The following ACOXL variants were observed in gnomAD, a reference collection of about 807,000 sequenced individuals.
The protein encoded by ACOXL is acyl-CoA oxidase like, also known as acyl-coenzyme A oxidase-like protein.
Under a neutral mutation model 71.9 loss-of-function variants are expected in ACOXL, and 70 were observed. That is an observed-to-expected ratio of 0.97 (90% CI 0.80 to 1.19). ACOXL has a LOEUF of 1.19. ACOXL is among the 50% of genes most tolerant of loss of function. ACOXL has a pLI of 0.00. For missense variants in ACOXL, 703 were observed against 736.3 expected, an observed-to-expected ratio of 0.95 and a Z score of 0.52; for synonymous variants, 253 against 281.6, an observed-to-expected ratio of 0.90 and a Z score of 1.02.
At chr2:110,778,308 A>G (rs1372408007) in intron 2 of ACOXL, among the ~76,000 whole-genome samples, 1 of 152,248 alleles carries the variant, frequency 6.6e-6, no homozygotes, top group African/African-American at 2.4e-5. Flanking sequence ...CATTATCAAA[A>G]ATGATGCATG....
intron 12 of ACOXL, among the ~76,000 whole-genome samples, chr2:110,981,526 A>T (rs1466888474): frequency 6.6e-6 from 1 of 152,258 alleles, no homozygotes; most frequent in African/African-American, 2.4e-5. Flanking sequence ...TTCCATCTAA[A>T]GAGTTTGGAA....
chr2:111,087,428 G>T (rs1226785320), intron 16 of ACOXL, among the ~76,000 whole-genome samples: 2 of 152,134 alleles, frequency 1.3e-5, no homozygotes, highest in Non-Finnish European at 2.9e-5. Context: ...AACCAAAATA[G>T]CATAGTACTG....
At chr2:111,041,157 G>A (rs138365992) in intron 15 of ACOXL, among the ~76,000 whole-genome samples, 8 of 152,268 alleles carry the variant, frequency 5.3e-5, no homozygotes, top group Admixed American at 3.9e-4. Context: ...CAGCTTGGAC[G>A]TGTGGCGCAT....
intron 14 of ACOXL, among the ~76,000 whole-genome samples, chr2:111,023,590 T>C (rs534178154): frequency 6.5e-4 from 99 of 151,758 alleles, no homozygotes; most frequent in African/African-American, 2.4e-3. Context: ...CCATGGGAAA[T>C]AGTGAGATGC....
chr2:110,912,158 A>G (rs1391115724), intron 11 of ACOXL, among the ~76,000 whole-genome samples: 1 of 152,128 alleles, frequency 6.6e-6, no homozygotes. Context: ...TTCATGGATC[A>G]GAAGATGTAA....
At chr2:111,087,897 A>G (rs2068299499) in intron 16 of ACOXL, among the ~76,000 whole-genome samples, 1 of 152,236 alleles carries the variant, frequency 6.6e-6, no homozygotes. Context: ...CAAACTATAC[A>G]TCTGACAAAG....
intron 12 of ACOXL, among the ~76,000 whole-genome samples, chr2:110,974,684 GTGTCC>G: frequency 6.6e-6 from 1 of 152,350 alleles, no homozygotes; most frequent in South Asian, 2.1e-4. Flanking sequence ...CCAGGAAGGG[GTGTCC>G]TCTTCCTGAC....
At chr2:111,061,159 C>A (rs776812842) in intron 16 of ACOXL, among the ~76,000 whole-genome samples, 1 of 152,116 alleles carries the variant, frequency 6.6e-6, no homozygotes, top group Non-Finnish European at 1.5e-5. Context: ...CATAAACCTA[C>A]GGATTCAAGA....
intron 16 of ACOXL, among the ~76,000 whole-genome samples, chr2:111,088,478 G>T (rs1379052597): frequency 6.6e-6 from 1 of 152,180 alleles, no homozygotes; most frequent in Non-Finnish European, 1.5e-5. Context: ...AATGTCGTTT[G>T]CAGGAACATG....
intron 10 of ACOXL, among the ~76,000 whole-genome samples, chr2:110,871,908 T>C (rs1284722915): frequency 1.3e-5 from 2 of 152,236 alleles, no homozygotes; most frequent in Non-Finnish European, 2.9e-5. Context: ...GCCTCCTGTT[T>C]GTTTCACATG....
chr2:110,752,760 C>G (rs768295063), intron 1 of ACOXL, among the ~76,000 whole-genome samples: 2 of 152,000 alleles, frequency 1.3e-5, no homozygotes, highest in Non-Finnish European at 2.9e-5. Context: ...TGTGTATTAG[C>G]TATCTACTGA....
In ACOXL at chr2:111,005,682, T is replaced by C. The variant is rs557146533; in HGVS notation, c.1281+9678T>C. Reference sequence around the variant, plus strand: ...CTGCTTGGGGTTTGGAGTCTCACCTTAGTTCTCTTCTGTGGAAAATGCAAG... The same window carrying C: ...CTGCTTGGGGTTTGGAGTCTCACCTCAGTTCTCTTCTGTGGAAAATGCAAG... On this transcript the variant is annotated intron_variant, in intron 14 of 17. Transcript: ENST00000439055. Among the ~76,000 whole-genome samples, 4 of 152,336 alleles carry C rather than the reference T, an allele frequency of 2.6e-5. No homozygotes were observed. In the South Asian group the frequency reaches 8.3e-4, roughly 32 times the overall value.
intron 7 of ACOXL, among the ~76,000 whole-genome samples, chr2:110,800,485 A>G (rs1179619613): frequency 6.6e-6 from 1 of 152,154 alleles, no homozygotes; most frequent in African/African-American, 2.4e-5. Context: ...ATACACAGGT[A>G]TAAGGATTAG....
intron 2 of ACOXL, among the ~76,000 whole-genome samples, chr2:110,783,936 G>A (rs1267348431): frequency 8.5e-5 from 13 of 152,190 alleles, no homozygotes; most frequent in Non-Finnish European, 2.9e-5. Flanking sequence ...TTTGTCACTG[G>A]TGGAGAAGAG....
chr2:110,947,763 C>T (rs1047781447), intron 12 of ACOXL, among the ~76,000 whole-genome samples: 1 of 152,194 alleles, frequency 6.6e-6, no homozygotes, highest in South Asian at 2.1e-4. Context: ...GACCAGAACA[C>T]ACCACAGGGT....
chr2:110,800,274 G>A (rs1166511072), intron 7 of ACOXL, among the ~76,000 whole-genome samples: 1 of 152,204 alleles, frequency 6.6e-6, no homozygotes, highest in Non-Finnish European at 1.5e-5. Context: ...CAGACACAGT[G>A]AGGGAAGGAT....
intron 14 of ACOXL, among the ~76,000 whole-genome samples, chr2:111,031,220 C>T (rs1239157561): frequency 6.6e-6 from 1 of 152,174 alleles, no homozygotes; most frequent in Non-Finnish European, 1.5e-5. Context: ...AATGGAAGCT[C>T]CTGACTGCAA....
chr2:110,927,272 C>T (rs1009931437), intron 11 of ACOXL, among the ~76,000 whole-genome samples: 1 of 152,144 alleles, frequency 6.6e-6, no homozygotes, highest in South Asian at 2.1e-4. Context: ...GGCCCCTCCC[C>T]CAACACATGG....
intron 2 of ACOXL, among the ~76,000 whole-genome samples, chr2:110,775,837 GA>G (rs1277243324): frequency 1.3e-5 from 2 of 152,138 alleles, no homozygotes; most frequent in Non-Finnish European, 2.9e-5. Context: ...AGCCACTGGG[GA>G]ACACAATATG....
Sources: gnomAD v4.1 joint callset for allele counts (sites outside exome capture counted in the v4.1 genomes callset) on GRCh38, gnomAD v4.1.1 for gene constraint, MANE v1.5 for transcripts, NCBI Gene and HGNC (gene_info 2026-07-23, HGNC 2026-07-21) for gene names.